ZNF33B: variants seen among roughly 807,000 people sequenced by gnomAD.
ZNF33B encodes the protein zinc finger protein 33B.
Under a neutral mutation model 45.8 loss-of-function variants are expected in ZNF33B, and 29 were observed. The observed-to-expected ratio is 0.63, with a 90% CI of 0.47 to 0.86. The LOEUF (loss-of-function observed/expected upper bound fraction) is 0.86. Among genes scored for constraint, ZNF33B ranks in the 40% least tolerant of loss-of-function variants. ZNF33B has a pLI of 0.00. For synonymous variants in ZNF33B, 305 were observed against 307.8 expected, an observed-to-expected ratio of 0.99 and a Z score of 0.10; for missense variants, 831 against 909.9, an observed-to-expected ratio of 0.91 and a Z score of 1.12.
chr10:42,622,024 T>G (rs1838614709), intron 4 of ZNF33B, among the ~76,000 whole-genome samples: 1 of 152,190 alleles, frequency 6.6e-6, no homozygotes, highest in South Asian at 2.1e-4. Context: ...ATCCGTTGTG[T>G]TGCTACACAC....
intron 4 of ZNF33B, among the ~76,000 whole-genome samples, chr10:42,620,833 G>A (rs1263918868): frequency 6.6e-6 from 1 of 152,004 alleles, no homozygotes; most frequent in Non-Finnish European, 1.5e-5. Flanking sequence ...GAGAACTGGG[G>A]TGGCTATACT....
At chr10:42,579,613 T>C (rs1836796664) in intron 1 of ZNF33B, 1 of 152,386 alleles carries the variant, frequency 6.6e-6, no homozygotes. Flanking sequence ...CTCAACACCT[T>C]CAACCTGGTA....
rs751631870 is a variant in ZNF33B, at chr10:42,632,032, C to A, written c.155-8G>T. 2 of 1,613,572 alleles carry A rather than the reference C, an allele frequency of 1.2e-6. No individual in the cohort carries two copies. Among genetic ancestry groups the A allele is most frequent in the Admixed American group, 3.3e-5 (2 of 59,996 alleles). ...GTTTGTGAGCACAATACCCTGTTAA[C>A]AGGAAATAATTTAGGATTTGGACCA... On this transcript the variant is annotated splice_region_variant and splice_polypyrimidine_tract_variant and intron_variant, in intron 3 of 4. Coordinates refer to ENST00000359467, the MANE Select transcript of ZNF33B (RefSeq NM_006955.3).
chr10:42,594,089 C>T lies in ZNF33B; in HGVS notation c.861G>A (p.Lys287=). ...FSDCEKFLCV[K]STLSKHDGVP... Reference sequence around the variant, plus strand: ...CCCCATCATGTTTAGAAAGGGTGGACTTCACACATAAGAACTTCTCACAAT... The same window carrying T: ...CCCCATCATGTTTAGAAAGGGTGGATTTCACACATAAGAACTTCTCACAAT... The change falls in exon 5 of 5, where the codon AAG becomes AAA. Residue 287 remains lysine (K), a synonymous_variant. Transcript: ENST00000359467. 1.9e-6 allele frequency: 3 copies of T among 1,614,038 alleles called. No individual in the cohort carries two copies. The highest frequency in any genetic ancestry group is 2.2e-5 in the South Asian group (2 of 91,076).
At chr10:42,580,120 A>G (rs553799706) in intron 1 of ZNF33B, among the ~76,000 whole-genome samples, 2 of 152,346 alleles carry the variant, frequency 1.3e-5, no homozygotes, top group East Asian at 3.9e-4. Context: ...CATGATCATG[A>G]TAAGTTGTCA....
intron 4 of ZNF33B, among the ~76,000 whole-genome samples, chr10:42,620,762 A>C (rs953401434): frequency 2.6e-5 from 4 of 152,032 alleles, no homozygotes; most frequent in African/African-American, 9.7e-5. Context: ...AAATCCAAAG[A>C]CACAAATAAA....
At chr10:42,625,049 T>C (rs1000454819) in intron 4 of ZNF33B, among the ~76,000 whole-genome samples, 1 of 150,598 alleles carries the variant, frequency 6.6e-6, no homozygotes, top group Non-Finnish European at 1.5e-5. Flanking sequence ...TATATATATA[T>C]ATATATATAT....
chr10:42,574,448 T>C (rs188731967), exon 2 of ZNF33B: 86 of 152,306 alleles, frequency 5.6e-4, no homozygotes, highest in African/African-American at 1.8e-3. Flanking sequence ...CTCGGATGTG[T>C]TGGTTTCCTT....
In ZNF33B at chr10:42,594,180, C is replaced by G. The variant is rs1226057743; in HGVS notation, c.770G>C (p.Cys257Ser). ...ATGGAACAAGAGGGATGAACTATCACAGAAAGTTCTCCCAAATTCATTATA... is the reference window on the plus strand; with the variant it reads ...ATGGAACAAGAGGGATGAACTATCAGAGAAAGTTCTCCCAAATTCATTATA... ...CDYNEFGRTFCDSSSLLFHQI... is the reference protein window; with the variant it reads ...CDYNEFGRTFSDSSSLLFHQI... Residue 257 changes from cysteine (C) to serine (S), a missense_variant, in exon 5 of 5, where the codon TGT becomes TCT. Cys to Ser is a moderately radical substitution (Grantham distance 112). Coordinates refer to ENST00000359467, the MANE Select transcript of ZNF33B (RefSeq NM_006955.3). 1.9e-6 allele frequency: 3 copies of G among 1,613,622 alleles called. No homozygotes were observed. The highest frequency in any genetic ancestry group is 3.3e-5 in the Admixed American group (2 of 59,962).
intron 2 of ZNF33B, among the ~76,000 whole-genome samples, chr10:42,633,509 C>CA (rs767047475): frequency 1.3e-5 from 2 of 152,088 alleles, no homozygotes; most frequent in Non-Finnish European, 2.9e-5. Flanking sequence ...TAATAGGAGA[C>CA]AGAGCATCAA....
At chr10:42,612,120 A>C (rs1465814928) in intron 4 of ZNF33B, among the ~76,000 whole-genome samples, 2 of 150,770 alleles carry the variant, frequency 1.3e-5, no homozygotes, top group Non-Finnish European at 2.9e-5. Context: ...GTTCTTCTCT[A>C]TTCCTAGTTT....
At chr10:42,621,814 C>G (rs1419265977) in intron 4 of ZNF33B, among the ~76,000 whole-genome samples, 1 of 145,350 alleles carries the variant, frequency 6.9e-6, no homozygotes, top group Non-Finnish European at 1.5e-5. Context: ...CCCACTTTTG[C>G]CAGTGCTATT....
At chr10:42,606,436 GC>G (rs1402241972) in intron 4 of ZNF33B, among the ~76,000 whole-genome samples, 1 of 152,118 alleles carries the variant, frequency 6.6e-6, no homozygotes, top group Non-Finnish European at 1.5e-5. Context: ...CTGCACTCCA[GC>G]CTGGGCAACA....
Position 42,593,133 on chromosome 10 carries a change from T to C in ZNF33B, c.1817A>G (p.Glu606Gly). 6.2e-7 allele frequency: 1 copy of C among 1,613,884 alleles called. No homozygotes were observed. The highest frequency in any genetic ancestry group is 8.5e-7 in the Non-Finnish European group (1 of 1,179,964). ...LTKHNRTHTG[E>G]KPYECNECGK... ...ACATTCATTACATTCATAGGGTTTC[T>C]CCCCTGTATGTGTTCTATTATGTTT... is the stretch of plus-strand genomic sequence containing the variant. Residue 606 changes from glutamate to glycine, a missense_variant, in exon 5 of 5, where the codon GAG becomes GGG. Transcript: ENST00000359467.
At chr10:42,596,865 A>C (rs1415595731) in intron 4 of ZNF33B, among the ~76,000 whole-genome samples, 1 of 151,980 alleles carries the variant, frequency 6.6e-6, no homozygotes, top group Non-Finnish European at 1.5e-5. Flanking sequence ...GTAGATAATC[A>C]TATCTTTTGT....
intron 4 of ZNF33B, among the ~76,000 whole-genome samples, chr10:42,601,478 T>TG (rs890590960): frequency 7.2e-6 from 1 of 138,534 alleles, no homozygotes; most frequent in African/African-American, 2.7e-5. Context: ...GTTTTTTTTT[T>TG]TTTTTTTTTT....
chr10:42,581,861 T>G (rs1221169183), intron 1 of ZNF33B: 1 of 152,182 alleles, frequency 6.6e-6, no homozygotes, highest in Admixed American at 6.5e-5. Context: ...ACGCCTGTAA[T>G]CTCAGCACTT....
At position 42,579,838 on chromosome 10, in the gene ZNF33B, A is replaced by C. The variant is rs1836799509; in HGVS notation, c.74-5160T>G. On this transcript the variant is annotated intron_variant, in intron 1 of 1. Coordinates refer to the ZNF33B transcript ENST00000462075. ...AGAGCAACTGGCCAAAGAAATCGGC[A>C]GTCTGGAGTCTAGGATACAGGTGGG... is the stretch of plus-strand genomic sequence containing the variant. The C allele has an allele frequency of 3.2e-5, 5 of 154,430 alleles. No homozygotes were observed. The Admixed American group carries it at 3.3e-4, about 10-fold the overall frequency. 9.6% of individuals were successfully genotyped at this position (154,430 alleles called of 1,614,324 possible).
chr10:42,599,343 T>C (rs1303644743), intron 4 of ZNF33B, among the ~76,000 whole-genome samples: 9 of 152,070 alleles, frequency 5.9e-5, no homozygotes, highest in Admixed American at 3.3e-4. Flanking sequence ...TCTTCTACTA[T>C]TATATGGATT....
Sources: allele counts gnomAD v4.1 joint callset (sites outside exome capture counted in the v4.1 genomes callset), GRCh38; gene constraint gnomAD v4.1.1; transcripts MANE v1.5; gene names NCBI Gene and HGNC (gene_info 2026-07-23, HGNC 2026-07-21).